The following TXNRD1 variants were observed in gnomAD, a reference collection of about 807,000 sequenced individuals.
TXNRD1 encodes thioredoxin reductase 1, cytoplasmic.
Under a neutral mutation model 80.3 loss-of-function variants are expected in TXNRD1, and 57 were observed. The ratio of observed to expected loss-of-function variants is 0.71; its 90% CI spans 0.57 to 0.89. The LOEUF (loss-of-function observed/expected upper bound fraction) is 0.89. TXNRD1 is among the 40% of genes least tolerant of loss of function. The pLI, the probability that TXNRD1 is intolerant of heterozygous loss-of-function variation, is 0.00. For synonymous variants in TXNRD1, 291 were observed against 285.2 expected (o/e 1.02, Z -0.20); for missense variants, 730 against 803.0 (o/e 0.91, Z 1.10).
intron 10 of TXNRD1, among the ~76,000 whole-genome samples, chr12:104,324,372 G>C (rs1193096616): frequency 9.0e-6 from 1 of 111,004 alleles, no homozygotes; most frequent in Non-Finnish European, 1.8e-5. Flanking sequence ...TTTTTTTTGA[G>C]ATGGAGTCTT....
intron 4 of TXNRD1, chr12:104,310,168 T>A: frequency 7.6e-7 from 1 of 1,308,348 alleles, no homozygotes; most frequent in Non-Finnish European, 9.8e-7. Context: ...TAAAATGAGA[T>A]GGAGTCTCAC....
At chr12:104,287,564 T>C in intron 3 of TXNRD1, 1 of 1,504,186 alleles carries the variant, frequency 6.6e-7, no homozygotes, top group Non-Finnish European at 8.9e-7. Flanking sequence ...TTTCACACCA[T>C]TTAATCCTCA....
At chr12:104,312,751 C>G (rs1158613141) in intron 5 of TXNRD1, among the ~76,000 whole-genome samples, 1 of 152,124 alleles carries the variant, frequency 6.6e-6, no homozygotes, top group African/African-American at 2.4e-5. Context: ...TTTAGGAAAT[C>G]TTGTAATACA....
intron 4 of TXNRD1, among the ~76,000 whole-genome samples, chr12:104,294,147 G>A (rs1285560395): frequency 2.0e-5 from 3 of 151,492 alleles, no homozygotes; most frequent in Middle Eastern, 3.4e-3. Flanking sequence ...TTAGGCCTCC[G>A]GATAACTGCG....
At chr12:104,340,699 C>A (rs892776258) in intron 16 of TXNRD1, among the ~76,000 whole-genome samples, 8 of 152,130 alleles carry the variant, frequency 5.3e-5, no homozygotes, top group Non-Finnish European at 7.4e-5. Flanking sequence ...AAACTCCAGT[C>A]ATTGGATTAG....
At position 104,337,834 on chromosome 12, in the gene TXNRD1, T is replaced by G. The variant is rs771939604; in HGVS notation, c.1747-1305T>G. 1.8e-4 allele frequency among the ~76,000 whole-genome samples: 28 copies of G among 151,884 alleles called. 1 individual carries two copies. Among genetic ancestry groups the G allele is most frequent in the Non-Finnish European group, 3.7e-4 (25 of 67,834 alleles). On this transcript the variant is annotated intron_variant, in intron 15 of 16. Coordinates refer to ENST00000525566, the MANE Select transcript of TXNRD1 (RefSeq NM_001093771.3). ...CAGGGTCTTACTTTATCACCCAGGA[T>G]AGAGTGCAGTGGTGTGATCATAGCT...
chr12:104,304,940 T>C, intron 4 of TXNRD1: 1 of 1,572,984 alleles, frequency 6.4e-7, no homozygotes, highest in Non-Finnish European at 8.6e-7. Context: ...ATACTAAAGA[T>C]TTCTTAGTAT....
At chr12:104,246,287 G>C (rs7303197) in intron 1 of TXNRD1, among the ~76,000 whole-genome samples, 107,779 of 142,812 alleles carry the variant, frequency 0.75, 40,381 homozygotes, top group East Asian at 0.81. Context: ...AATTAGCCAG[G>C]CATGGTGGCG....
chr12:104,329,353 TTAAAG>T (rs772096810), intron 13 of TXNRD1, among the ~76,000 whole-genome samples: 9 of 151,858 alleles, frequency 5.9e-5, no homozygotes, highest in Middle Eastern at 6.8e-3. Flanking sequence ...GAGTTGTACT[TTAAAG>T]TAAGGGGTAC....
At chr12:104,225,003 T>C (rs2032441236) in intron 1 of TXNRD1, 1 of 418,442 alleles carries the variant, frequency 2.4e-6, no homozygotes, top group Non-Finnish European at 4.8e-6. Flanking sequence ...TACAGTTTTT[T>C]TGAAAGAGGG....
chr12:104,278,001 C>T (rs545109516), intron 3 of TXNRD1, among the ~76,000 whole-genome samples: 6 of 151,360 alleles, frequency 4.0e-5, no homozygotes, highest in African/African-American at 1.5e-4. Flanking sequence ...CTCACCCTCC[C>T]GAGTAGCTGA....
chr12:104,341,874 T>C (rs1036868711), intron 16 of TXNRD1, among the ~76,000 whole-genome samples: 1 of 152,206 alleles, frequency 6.6e-6, no homozygotes, highest in East Asian at 1.9e-4. Flanking sequence ...GGGGTTCCCA[T>C]GATAAATTGC....
rs777860967 is a variant in TXNRD1 at position 104,287,452 on chromosome 12, G to C, written c.305-1479G>C. Reference sequence around the variant, plus strand: ...AATGGGTATTGTATCGTTTCTTACAGAGTCCGAGTCTTGAAATGTAGATGA... The same window carrying C: ...AATGGGTATTGTATCGTTTCTTACACAGTCCGAGTCTTGAAATGTAGATGA... On this transcript the variant is annotated intron_variant, in intron 3 of 16. Coordinates refer to ENST00000525566, the MANE Select transcript of TXNRD1 (RefSeq NM_001093771.3). 3.5e-5 allele frequency: 56 copies of C among 1,612,344 alleles called. 1 individual carries two copies. The Middle Eastern group carries it at 1.2e-3, about 33-fold the overall frequency.
At chr12:104,263,172 T>G (rs2033405188) in intron 3 of TXNRD1, among the ~76,000 whole-genome samples, 1 of 152,194 alleles carries the variant, frequency 6.6e-6, no homozygotes, top group African/African-American at 2.4e-5. Context: ...TGCCAGAGGC[T>G]CATGCATGTT....
At chr12:104,292,545 C>T (rs2034262023) in intron 4 of TXNRD1, among the ~76,000 whole-genome samples, 1 of 152,080 alleles carries the variant, frequency 6.6e-6, no homozygotes, top group Non-Finnish European at 1.5e-5. Context: ...AGGCATGCAC[C>T]ACCATGCCTG....
intron 2 of TXNRD1, among the ~76,000 whole-genome samples, chr12:104,254,644 A>AAAAAAAAAAAAAAATATATATATAT: frequency 1.4e-4 from 13 of 93,628 alleles, no homozygotes; most frequent in African/African-American, 3.6e-4. Context: ...AAAAAAAAAA[A>AAAAAAAAAAAAAAATATATATATAT]ATATATATAT....
chr12:104,287,986 T>A, intron 3 of TXNRD1, among the ~76,000 whole-genome samples: 1 of 151,854 alleles, frequency 6.6e-6, no homozygotes, highest in Non-Finnish European at 1.5e-5. Context: ...TTTTTGTTGG[T>A]TTTTTTTGTT....
intron 3 of TXNRD1, among the ~76,000 whole-genome samples, chr12:104,274,496 G>C (rs1209894485): frequency 6.6e-6 from 1 of 151,896 alleles, no homozygotes; most frequent in Admixed American, 6.6e-5. Flanking sequence ...AGGAGTTCGA[G>C]AACAGCCTGG....
chr12:104,294,245 G>A lies in TXNRD1; in HGVS notation c.414+5205G>A, dbSNP rs1359959342. ...CCCCCGGGGAAAGGCCCCCCCCCCC[G>A]CCGCCGGCTTTCCCGGTCTGCTAAG... On this transcript the variant is annotated intron_variant, in intron 4 of 16. Transcript: ENST00000525566. 4.0e-5 allele frequency among the ~76,000 whole-genome samples: 3 copies of A among 75,150 alleles called. 1 individual carries two copies. The highest frequency in any genetic ancestry group is 4.0e-5 in the African/African-American group (1 of 25,156). 49.3% of individuals were successfully genotyped at this position (75,150 alleles called of 152,430 possible).
Sources: gnomAD v4.1 joint callset for allele counts (sites outside exome capture counted in the v4.1 genomes callset) on GRCh38, gnomAD v4.1.1 for gene constraint, MANE v1.5 for transcripts, NCBI Gene and HGNC (gene_info 2026-07-23, HGNC 2026-07-21) for gene names.